BAIAP2: variants seen among roughly 807,000 people sequenced by gnomAD.
BAIAP2 encodes BAR/IMD domain containing adaptor protein 2, also known as BAR/IMD domain-containing adapter protein 2.
Under a neutral mutation model 63.0 loss-of-function variants are expected in BAIAP2, and 18 were observed. That is an observed-to-expected ratio of 0.29 (90% confidence interval 0.20 to 0.42). The LOEUF is 0.42. Ranked by LOEUF, BAIAP2 falls within the 10% of genes least tolerant of loss-of-function variation. BAIAP2 has a pLI of 1.00. For missense variants in BAIAP2, 610 were observed against 734.3 expected (o/e 0.83, Z 1.96); for synonymous variants, 386 against 307.6 (o/e 1.25, Z -2.67).
At chr17:81,078,501 C>G (rs1427196800) in intron 3 of BAIAP2, among the ~76,000 whole-genome samples, 1 of 127,892 alleles carries the variant, frequency 7.8e-6, no homozygotes, top group Non-Finnish European at 1.6e-5. Context: ...CAGGTGCCAT[C>G]TCGGAGCTGG....
intron 1 of BAIAP2, chr17:81,053,413 C>G (rs1027179266): frequency 1.9e-6 from 1 of 528,750 alleles, no homozygotes; most frequent in Non-Finnish European, 3.4e-6. Context: ...AGCCCGCAGA[C>G]ACTCCTCTGC....
chr17:81,098,204 TACA>T (rs1288482786), intron 6 of BAIAP2: 3 of 1,413,200 alleles, frequency 2.1e-6, no homozygotes, highest in Non-Finnish European at 2.8e-6. Flanking sequence ...AGGTGAGTCA[TACA>T]ACAAGCCCTG....
chr17:81,109,975 G>A (rs1018498983), intron 13 of BAIAP2: 11 of 985,318 alleles, frequency 1.1e-5, no homozygotes, highest in South Asian at 4.7e-5. Context: ...GTTCCTGCCC[G>A]GTTCTTCCTA....
At position 81,106,155 on chromosome 17, in the gene BAIAP2, T is replaced by TG; in HGVS notation, c.1337+12dup. 3.2e-6 allele frequency: 5 copies of TG among 1,573,094 alleles called. No homozygotes were observed. Among genetic ancestry groups the TG allele is most frequent in the Non-Finnish European group, 4.3e-6 (5 of 1,158,996 alleles). Reference sequence around the variant, plus strand: ...GACAGGCTGCACATGAGGTGAGCTCTGGGCCCAACGGGAGTGTAAGATCCC... The same window carrying TG: ...GACAGGCTGCACATGAGGTGAGCTCTGGGGCCCAACGGGAGTGTAAGATCCC... On this transcript the variant is annotated intron_variant, in intron 11 of 13. Transcript: ENST00000428708.
chr17:81,070,896 CG>C (rs2052512853), intron 3 of BAIAP2, among the ~76,000 whole-genome samples: 1 of 152,164 alleles, frequency 6.6e-6, no homozygotes, highest in Non-Finnish European at 1.5e-5. Flanking sequence ...TTGGAGCCGG[CG>C]GGTTGGAGTG....
intron 1 of BAIAP2, among the ~76,000 whole-genome samples, chr17:81,042,356 A>G (rs552861833): frequency 1.3e-5 from 2 of 150,642 alleles, no homozygotes; most frequent in African/African-American, 2.4e-5. Flanking sequence ...AGGTCTTGCT[A>G]TGTTGCCCAG....
intron 13 of BAIAP2, among the ~76,000 whole-genome samples, chr17:81,111,339 A>G (rs1463649626): frequency 6.6e-6 from 1 of 152,230 alleles, no homozygotes; most frequent in Non-Finnish European, 1.5e-5. Flanking sequence ...TCGCAGCGCC[A>G]GCTTGGGCTC....
chr17:81,036,993 A>AC (rs1256986757), intron 1 of BAIAP2: 2 of 1,508,846 alleles, frequency 1.3e-6, no homozygotes, highest in African/African-American at 2.8e-5. Context: ...GCTCTGGGGG[A>AC]CCGACCCCGT....
In BAIAP2 at chr17:81,055,569, G is replaced by GGTTTTTTTTTTTTTTTTTTTTTTT. The variant is rs138656369; in HGVS notation, c.130+1826_130+1827insGTTTTTTTTTTTTTTTTTTTTTTT. On this transcript the variant is annotated intron_variant, in intron 2 of 13. Coordinates refer to ENST00000428708, the MANE Select transcript of BAIAP2 (RefSeq NM_001144888.2). The stretch of plus-strand genomic sequence containing the variant: ...TTCCTCCAGCGAAAGTCTGCAGGGT[G>GGTTTTTTTTTTTTTTTTTTTTTTT]TTTTGTTTTTTTTTGAGACGGAGTC... Among the ~76,000 whole-genome samples, 859 of 93,222 alleles carry GGTTTTTTTTTTTTTTTTTTTTTTT rather than the reference G, an allele frequency of 9.2e-3. 97 individuals are homozygous for GGTTTTTTTTTTTTTTTTTTTTTTT. Among genetic ancestry groups the GGTTTTTTTTTTTTTTTTTTTTTTT allele is most frequent in the East Asian group, 0.047 (133 of 2,830 alleles). 61.2% of individuals were successfully genotyped at this position (93,222 alleles called of 152,430 possible).
chr17:81,098,962 G>C (rs981860144), intron 6 of BAIAP2, among the ~76,000 whole-genome samples: 24 of 137,826 alleles, frequency 1.7e-4, no homozygotes, highest in Middle Eastern at 3.4e-3. Flanking sequence ...CATTCTCCCC[G>C]TCCCCCCATC....
In BAIAP2 at chr17:81,049,801, G is replaced by A. The variant is rs117813056; in HGVS notation, c.55-3867G>A. Among the ~76,000 whole-genome samples the A allele has an allele frequency of 9.3e-3, 1,423 of 152,326 alleles. 12 individuals are homozygous for A. Among genetic ancestry groups the A allele is most frequent in the Middle Eastern group, 0.02 (6 of 294 alleles). On this transcript the variant is annotated intron_variant, in intron 1 of 13. Transcript: ENST00000428708. ...AAGTGCCTGTTGGCTATGGGCCCCC[G>A]GACCAGGACCTTGGCCTGATTAGGG...
rs573698289 is a variant in BAIAP2 at position 81,038,990 on chromosome 17, GTGTGTGCACACGTGCA to G, written c.54+3685_54+3700del. On this transcript the variant is annotated intron_variant, in intron 1 of 13. Transcript: ENST00000428708. The stretch of plus-strand genomic sequence containing the variant: ...CGCGTGTACATGTGTATGTGTGTCC[GTGTGTGCACACGTGCA>G]TGCAGTGCTTTGTGTTTAAGGATAC... Among the ~76,000 whole-genome samples the G allele has an allele frequency of 6.1e-4, 93 of 152,246 alleles. 1 individual carries two copies. The highest frequency in any genetic ancestry group is 1.0e-3 in the Non-Finnish European group (68 of 68,036).
intron 6 of BAIAP2, among the ~76,000 whole-genome samples, chr17:81,096,127 A>G (rs1467143566): frequency 6.6e-6 from 1 of 152,124 alleles, no homozygotes; most frequent in Non-Finnish European, 1.5e-5. Flanking sequence ...TCTTCCCCCG[A>G]GTCCTATTCA....
At chr17:81,096,221 G>T (rs963747501) in intron 6 of BAIAP2, among the ~76,000 whole-genome samples, 28 of 152,188 alleles carry the variant, frequency 1.8e-4, no homozygotes, top group Admixed American at 1.8e-3. Context: ...TTTGCCAGGC[G>T]TTGGATCTCC....
chr17:81,040,605 T>A (rs2046947026), intron 1 of BAIAP2, among the ~76,000 whole-genome samples: 1 of 152,258 alleles, frequency 6.6e-6, no homozygotes, highest in Non-Finnish European at 1.5e-5. Context: ...CCATCGGTAT[T>A]TGGGAATGAA....
In BAIAP2 at chr17:81,055,666, C is replaced by T. The variant is rs528981177; in HGVS notation, c.130+1923C>T. ...CTGCAAACTCTGCCTCCCGGGTTCA[C>T]GCCATTCTCCTGCCTCAGCCTCCCG... On this transcript the variant is annotated intron_variant, in intron 2 of 13. Transcript: ENST00000428708. 4.0e-4 allele frequency among the ~76,000 whole-genome samples: 60 copies of T among 151,056 alleles called. No homozygotes were observed. The Middle Eastern group carries it at 0.017, about 43-fold the overall frequency.
intron 1 of BAIAP2, chr17:81,053,297 C>T (rs371611158): frequency 3.5e-5 from 8 of 228,598 alleles, no homozygotes; most frequent in South Asian, 6.5e-5. Context: ...CGGTGGGGGG[C>T]CCTTCTGGGC....
chr17:81,036,780 CTG>C (rs2046331608), intron 1 of BAIAP2: 13 of 1,219,360 alleles, frequency 1.1e-5, no homozygotes, highest in Non-Finnish European at 1.5e-5. Flanking sequence ...CCTTGTTGCT[CTG>C]TGGAAGCACA....
intron 1 of BAIAP2, among the ~76,000 whole-genome samples, chr17:81,051,064 C>T (rs924958963): frequency 6.6e-6 from 1 of 151,916 alleles, no homozygotes; most frequent in African/African-American, 2.4e-5. Context: ...CTATCTCACC[C>T]CACTCCCGGT....
Sources: allele counts gnomAD v4.1 joint callset (sites outside exome capture counted in the v4.1 genomes callset), GRCh38; gene constraint gnomAD v4.1.1; transcripts MANE v1.5; gene names NCBI Gene and HGNC (gene_info 2026-07-23, HGNC 2026-07-21).